ABHD18: variants seen among roughly 807,000 people sequenced by gnomAD.
The protein encoded by ABHD18 is cardiolipin-specific deacylase, mitochondrial.
ABHD18 carries 55 observed loss-of-function variants against 65.9 expected under a neutral mutation model. The ratio of observed to expected loss-of-function variants is 0.84; its 90% confidence interval spans 0.67 to 1.05. The LOEUF is 1.05. Among genes scored for constraint, ABHD18 ranks in the 50% least tolerant of loss-of-function variants. The pLI is 0.00. For synonymous variants in ABHD18, 181 were observed against 180.2 expected (o/e 1.00, Z -0.04); for missense variants, 533 against 558.5 (o/e 0.95, Z 0.46).
Position 127,983,055 on chromosome 4 carries a change from A to T in ABHD18, c.92+8A>T, listed in dbSNP as rs777840110. The T allele has an allele frequency of 2.6e-6, 4 of 1,542,118 alleles. No individual in the cohort carries two copies. In the Admixed American group the frequency reaches 6.0e-5, roughly 23 times the overall value. On this transcript the variant is annotated splice_region_variant and intron_variant, in intron 2 of 12. Transcript: ENST00000645843. ...GCCAGAAGATCTCAAAAGGCAAGCAATTTTTTTTCCTGAATACTTGTTCTG... is the reference window on the plus strand; with the variant it reads ...GCCAGAAGATCTCAAAAGGCAAGCATTTTTTTTTCCTGAATACTTGTTCTG...
At chr4:128,033,323 T>C (rs1473535932) in intron 12 of ABHD18, among the ~76,000 whole-genome samples, 22 of 152,154 alleles carry the variant, frequency 1.4e-4, no homozygotes, top group Non-Finnish European at 2.9e-4. Flanking sequence ...CTGTCATATC[T>C]GTCTTCAAAA....
At chr4:128,029,635 C>T (rs1757926027) in intron 11 of ABHD18, among the ~76,000 whole-genome samples, 1 of 152,090 alleles carries the variant, frequency 6.6e-6, no homozygotes, top group South Asian at 2.1e-4. Flanking sequence ...ACCATCCTGG[C>T]CAACATGGTG....
chr4:128,000,080 A>G (rs1028546449), intron 4 of ABHD18, among the ~76,000 whole-genome samples: 10 of 152,184 alleles, frequency 6.6e-5, no homozygotes, highest in Admixed American at 2.6e-4. Context: ...CTTATTCACT[A>G]TCACACGAAC....
chr4:128,013,142 T>G (rs1199923792), intron 7 of ABHD18, among the ~76,000 whole-genome samples: 1 of 147,974 alleles, frequency 6.8e-6, no homozygotes, highest in Non-Finnish European at 1.5e-5. Context: ...GATCTGAAAG[T>G]GCAATGGGAA....
intron 1 of ABHD18, among the ~76,000 whole-genome samples, chr4:127,970,127 C>T (rs1254399591): frequency 6.6e-6 from 1 of 152,032 alleles, no homozygotes; most frequent in South Asian, 2.1e-4. Context: ...AAGCAATCCT[C>T]CCTCCTCAGC....
rs70966065 is a variant in ABHD18, at chr4:127,966,702, C to CAAAAAAAAAAAAAAAAAAA, written c.-18+1114_-18+1132dup. On this transcript the variant is annotated intron_variant, in intron 1 of 12. Transcript: ENST00000645843. ...TGAAACCCCGTCTCTACTAAAAATA[C>CAAAAAAAAAAAAAAAAAAA]AAAAAAAAAAAAAAAAAAAAAAAAA... Among the ~76,000 whole-genome samples the CAAAAAAAAAAAAAAAAAAA allele has an allele frequency of 4.6e-4, 10 of 21,540 alleles. 4 individuals carry two copies. Among genetic ancestry groups the CAAAAAAAAAAAAAAAAAAA allele is most frequent in the African/African-American group, 1.2e-3 (7 of 5,640 alleles). The allele number at this position is 21,540 out of a possible 152,430, so 14.1% of individuals were successfully genotyped here.
Position 128,017,362 on chromosome 4 carries a change from G to A in ABHD18, c.471-1G>A. ...TTTTCTATTTTGTTTTGTGAGGCTA[G>A]AAGGTCCAGCTTAAAAAATGTGTCC... On this transcript the variant is annotated splice_acceptor_variant, in intron 7 of 12. Coordinates refer to ENST00000645843, the MANE Select transcript of ABHD18 (RefSeq NM_001358451.3). LOFTEE classifies it high-confidence loss of function. 6.2e-7 allele frequency: 1 copy of A among 1,611,200 alleles called. No homozygotes were observed. The highest frequency in any genetic ancestry group is 8.5e-7 in the Non-Finnish European group (1 of 1,179,232).
chr4:128,012,891 C>T (rs1278248784), intron 7 of ABHD18, among the ~76,000 whole-genome samples: 1 of 151,668 alleles, frequency 6.6e-6, no homozygotes, highest in Non-Finnish European at 1.5e-5. Context: ...CATGGTAAAA[C>T]CCTGTGTCTA....
intron 1 of ABHD18, among the ~76,000 whole-genome samples, chr4:127,968,727 A>G (rs975303859): frequency 3.3e-5 from 5 of 152,182 alleles, no homozygotes; most frequent in Non-Finnish European, 5.9e-5. Flanking sequence ...AGCTTGATAT[A>G]TACTTCAAAA....
intron 1 of ABHD18, among the ~76,000 whole-genome samples, chr4:127,973,761 A>G (rs1207784427): frequency 6.8e-6 from 1 of 147,850 alleles, no homozygotes; most frequent in Non-Finnish European, 1.5e-5. Flanking sequence ...GAGCCATGTG[A>G]CAGGGGGCTG....
chr4:128,028,182 G>A (rs1315782003), intron 10 of ABHD18, among the ~76,000 whole-genome samples: 3 of 151,846 alleles, frequency 2.0e-5, no homozygotes, highest in Admixed American at 6.6e-5. Context: ...TCTTTCCATC[G>A]CTATGAATTT....
chr4:127,965,535 G>C lies in ABHD18; in HGVS notation c.-89G>C, dbSNP rs1744996782. On this transcript the variant is annotated 5_prime_UTR_variant, in exon 1 of 13. Transcript: ENST00000645843. ...GGGCTGGGACCAAAGTTGAGTCCTG[G>C]AAAGGGAGCCTGGAGAGCGGCGGTG... is the stretch of plus-strand genomic sequence containing the variant. 3.3e-6 allele frequency: 1 copy of C among 301,278 alleles called. No individual in the cohort carries two copies. Among genetic ancestry groups the C allele is most frequent in the African/African-American group, 2.2e-5 (1 of 46,360 alleles). 18.7% of individuals were successfully genotyped at this position (301,278 alleles called of 1,614,324 possible). A position where few individuals can be genotyped will look rare whatever the true frequency, so the allele number is the denominator to read the frequency against.
intron 6 of ABHD18, 132 bp downstream of exon 6, chr4:128,009,323 G>A (rs756061181): frequency 4.2e-5 from 20 of 480,996 alleles, no homozygotes; most frequent in Non-Finnish European, 6.2e-5. Flanking sequence ...AAATACTTAA[G>A]GAGCAAGAAT....
rs1237084835 is a variant in ABHD18 at position 128,035,777 on chromosome 4, T to C, written c.1359T>C (p.Asp453=). 3 of 1,537,378 alleles carry C rather than the reference T, an allele frequency of 2.0e-6. No individual in the cohort carries two copies. In the African/African-American group the frequency reaches 4.1e-5, roughly 21 times the overall value. The change falls in exon 13 of 13, where the codon GAT becomes GAC. Residue 453 remains aspartate (D), a synonymous_variant. Transcript: ENST00000645843. ...TTAATTTTAGACAAGCCATCTATGA[T>C]GCATTTGACCGCTTCCTCCATAAAT... ...KQGLFRQAIY[D]AFDRFLHKYA...
intron 4 of ABHD18, among the ~76,000 whole-genome samples, chr4:128,003,956 A>C (rs1403596820): frequency 6.6e-6 from 1 of 150,638 alleles, no homozygotes; most frequent in Non-Finnish European, 1.5e-5. Context: ...TTTAAAAAAA[A>C]AAAAAACAAA....
Position 128,031,491 on chromosome 4 carries a change from A to G in ABHD18, c.1343+819A>G, listed in dbSNP as rs185260995. Among the ~76,000 whole-genome samples the G allele has an allele frequency of 3.0e-3, 455 of 152,262 alleles. 4 individuals are homozygous for G. Among genetic ancestry groups the G allele is most frequent in the African/African-American group, 0.011 (438 of 41,556 alleles). On this transcript the variant is annotated intron_variant, in intron 12 of 12. Coordinates refer to ENST00000645843, the MANE Select transcript of ABHD18 (RefSeq NM_001358451.3). Reference sequence around the variant, plus strand: ...TCAAAAAAAAAAATTTTTTTATGCTAAAACTATAATTTTCTGGTATTCTGC... The same window carrying G: ...TCAAAAAAAAAAATTTTTTTATGCTGAAACTATAATTTTCTGGTATTCTGC...
At chr4:128,018,407 G>C (rs1755877166) in intron 8 of ABHD18, among the ~76,000 whole-genome samples, 1 of 152,020 alleles carries the variant, frequency 6.6e-6, no homozygotes, top group African/African-American at 2.4e-5. Context: ...CACTGCACCT[G>C]GCCTAAAAAA....
At chr4:128,025,811 C>A (rs751168817) in intron 10 of ABHD18, among the ~76,000 whole-genome samples, 8 of 152,100 alleles carry the variant, frequency 5.3e-5, no homozygotes, top group Admixed American at 4.6e-4. Flanking sequence ...TGGAAAATGG[C>A]GTAGTTTTAA....
At chr4:128,034,880 G>A (rs531981459) in intron 12 of ABHD18, among the ~76,000 whole-genome samples, 33 of 152,128 alleles carry the variant, frequency 2.2e-4, no homozygotes, top group South Asian at 8.3e-4. Flanking sequence ...TCAAACTCCC[G>A]ACTTCAGGTG....
Sources: gnomAD v4.1 joint callset for allele counts (sites outside exome capture counted in the v4.1 genomes callset) on GRCh38, gnomAD v4.1.1 for gene constraint, MANE v1.5 for transcripts, NCBI Gene and HGNC (gene_info 2026-07-23, HGNC 2026-07-21) for gene names.